Variants in KIFAP3 observed in about 807,000 individuals in gnomAD.
The protein encoded by KIFAP3 is kinesin-associated protein 3.
In KIFAP3, 68 loss-of-function variants were observed where a neutral mutation model predicts 106.5. That is an observed-to-expected ratio of 0.64 (90% confidence interval 0.53 to 0.78). KIFAP3 has a LOEUF of 0.78. Among genes scored for constraint, KIFAP3 ranks in the 30% least tolerant of loss-of-function variants. The pLI, the probability that KIFAP3 is intolerant of heterozygous loss-of-function variation, is 0.00. For synonymous variants in KIFAP3, 320 were observed against 311.5 expected (o/e 1.03, Z -0.29); for missense variants, 780 against 941.8 (o/e 0.83, Z 2.25).
Position 170,074,476 on chromosome 1 carries a change from C to A in KIFAP3, c.-9G>T, listed in dbSNP as rs1255074036. On this transcript the variant is annotated 5_prime_UTR_variant, in exon 1 of 20. Coordinates refer to ENST00000361580, the MANE Select transcript of KIFAP3 (RefSeq NM_014970.4). ...GCGTCCTCCCCTTGCATGGCGGCAG[C>A]GGCAGCGGCGTGGAGAGGATGGGGT... The A allele has an allele frequency of 2.5e-6, 4 of 1,613,912 alleles. No individual in the cohort carries two copies. Among genetic ancestry groups the A allele is most frequent in the Non-Finnish European group, 2.5e-6 (3 of 1,179,988 alleles).
Position 170,074,566 on chromosome 1 carries a change from G to C in KIFAP3, c.-99C>G, listed in dbSNP as rs1671849886. Reference sequence around the variant, plus strand: ...CCAAAGTACCCTCACACCCAGAGGCGATGACAGTCCTGAGGCCTGCAAGGC... The same window carrying C: ...CCAAAGTACCCTCACACCCAGAGGCCATGACAGTCCTGAGGCCTGCAAGGC... On this transcript the variant is annotated 5_prime_UTR_variant, in exon 1 of 20. It adds an upstream start codon to the 5' untranslated region. Coordinates refer to ENST00000361580, the MANE Select transcript of KIFAP3 (RefSeq NM_014970.4). 2 of 1,590,112 alleles carry C rather than the reference G, an allele frequency of 1.3e-6. No homozygotes were observed. Among genetic ancestry groups the C allele is most frequent in the African/African-American group, 2.7e-5 (2 of 74,490 alleles).
rs1036344066 is a variant in KIFAP3, at chr1:169,985,031, T to C, written c.1285-341A>G. ...AAAATAGCTTATGCAAAGGTCACAA[T>C]GCAGGAAAAAACAGTACTCTTTGAA... On this transcript the variant is annotated intron_variant, in intron 11 of 19. Coordinates refer to ENST00000361580, the MANE Select transcript of KIFAP3 (RefSeq NM_014970.4). Among the ~76,000 whole-genome samples, 12 of 151,808 alleles carry C rather than the reference T, an allele frequency of 7.9e-5. 1 individual carries two copies. Among genetic ancestry groups the C allele is most frequent in the Admixed American group, 6.6e-4 (10 of 15,216 alleles).
At chr1:170,068,678 C>T (rs1344975713) in intron 1 of KIFAP3, 5 of 151,610 alleles carry the variant, frequency 3.3e-5, no homozygotes, top group African/African-American at 7.3e-5. Flanking sequence ...TCAAAAACTT[C>T]CCAAATTAGA....
chr1:169,997,883 G>GA (rs60799242), intron 10 of KIFAP3, among the ~76,000 whole-genome samples: 1 of 122,962 alleles, frequency 8.1e-6, no homozygotes, highest in South Asian at 2.5e-4. Flanking sequence ...AAAAAAAAAA[G>GA]AAAAAAAAAA....
rs749589064 is a variant in KIFAP3, at chr1:169,982,490, T to C, written c.1672+212A>G. ...ACCACAAGAAAGGTAGAATAGGAAA[T>C]AGAAACTAACATAAGAAAACACACT... On this transcript the variant is annotated intron_variant, in intron 14 of 19. Coordinates refer to ENST00000361580, the MANE Select transcript of KIFAP3 (RefSeq NM_014970.4). 8.6e-4 allele frequency among the ~76,000 whole-genome samples: 130 copies of C among 151,982 alleles called. 1 individual carries two copies. The highest frequency in any genetic ancestry group is 1.8e-3 in the Non-Finnish European group (120 of 67,932).
rs532858288 is a variant in KIFAP3, at chr1:170,012,052, A to T, written c.1183+4410T>A. 4.6e-5 allele frequency among the ~76,000 whole-genome samples: 7 copies of T among 152,268 alleles called. No homozygotes were observed. The South Asian group carries it at 1.4e-3, about 32-fold the overall frequency. On this transcript the variant is annotated intron_variant, in intron 10 of 19. Transcript: ENST00000361580. ...AACTCAAGAACATTACTAGGAATAG[A>T]ACCCTTGGGGAACTCATTTGTAATT... is the stretch of plus-strand genomic sequence containing the variant.
intron 9 of KIFAP3, among the ~76,000 whole-genome samples, chr1:170,020,485 T>G (rs939260761): frequency 1.3e-5 from 2 of 152,278 alleles, no homozygotes; most frequent in East Asian, 3.9e-4. Flanking sequence ...GACGGAGTCT[T>G]GCTCTGTCGC....
chr1:169,944,733 C>T (rs1388061498), intron 19 of KIFAP3, among the ~76,000 whole-genome samples: 1 of 152,238 alleles, frequency 6.6e-6, no homozygotes, highest in African/African-American at 2.4e-5. Flanking sequence ...GTGTCCAGCT[C>T]TCAGCAGAGA....
At chr1:169,973,122 T>TATATAC (rs1337198179) in intron 16 of KIFAP3, among the ~76,000 whole-genome samples, 1 of 138,588 alleles carries the variant, frequency 7.2e-6, no homozygotes, top group Non-Finnish European at 1.5e-5. Context: ...TATATATATA[T>TATATAC]AAACAACACA....
intron 10 of KIFAP3, among the ~76,000 whole-genome samples, chr1:170,001,497 G>A (rs141605348): frequency 0.035 from 5,254 of 152,144 alleles, 122 homozygotes; most frequent in Non-Finnish European, 0.052. Flanking sequence ...TCACCCTGAC[G>A]GCGAGACATG....
At chr1:170,061,192 C>G (rs1671133042) in intron 1 of KIFAP3, among the ~76,000 whole-genome samples, 1 of 152,132 alleles carries the variant, frequency 6.6e-6, no homozygotes. Flanking sequence ...AGCTTCTGCA[C>G]AGCAAAAGAA....
chr1:170,017,040 C>A lies in KIFAP3; in HGVS notation c.1021-416G>T, dbSNP rs150631292. Among the ~76,000 whole-genome samples, 283 of 152,204 alleles carry A rather than the reference C, an allele frequency of 1.9e-3. 1 individual carries two copies. The highest frequency in any genetic ancestry group is 6.6e-3 in the African/African-American group (276 of 41,548). ...TTGGGAGGCCGAGGCGGGCAGATCA[C>A]GAGGTCAAGAGATTGAGGCCATCCT... On this transcript the variant is annotated intron_variant, in intron 9 of 19. Coordinates refer to ENST00000361580, the MANE Select transcript of KIFAP3 (RefSeq NM_014970.4).
At chr1:169,983,508 GATTA>G (rs1388775535) in intron 12 of KIFAP3, 126 bp from the exon 13 acceptor site, 3 of 652,350 alleles carry the variant, frequency 4.6e-6, no homozygotes, top group Admixed American at 6.0e-5. Flanking sequence ...GGTACAATTT[GATTA>G]ATTTAGATGC....
At chr1:170,037,663 G>A (rs1669758924) in intron 5 of KIFAP3, among the ~76,000 whole-genome samples, 2 of 152,120 alleles carry the variant, frequency 1.3e-5, no homozygotes, top group African/African-American at 2.4e-5. Flanking sequence ...TATGAACCCG[G>A]GAGGCGGAGG....
chr1:169,936,216 A>G (rs896329190), intron 19 of KIFAP3, among the ~76,000 whole-genome samples: 1 of 151,626 alleles, frequency 6.6e-6, no homozygotes, highest in Non-Finnish European at 1.5e-5. Context: ...CCCTTGGAAC[A>G]TTTTACATTT....
At chr1:170,070,651 A>G (rs1671662407) in intron 1 of KIFAP3, among the ~76,000 whole-genome samples, 1 of 152,150 alleles carries the variant, frequency 6.6e-6, no homozygotes, top group Admixed American at 6.5e-5. Flanking sequence ...GCCATATACC[A>G]TAGACAATAA....
At position 169,958,920 on chromosome 1, in the gene KIFAP3, A is replaced by AT. The variant is rs888373621; in HGVS notation, c.2173+2125dup. On this transcript the variant is annotated intron_variant, in intron 18 of 19. Coordinates refer to ENST00000361580, the MANE Select transcript of KIFAP3 (RefSeq NM_014970.4). ...GTTTTGTATTTCACATAATACTAAG[A>AT]TTTTTTTTTAAAAAACATGGGAGAA... 1.3e-4 allele frequency among the ~76,000 whole-genome samples: 20 copies of AT among 152,100 alleles called. No homozygotes were observed. In the East Asian group the frequency reaches 1.5e-3, roughly 12 times the overall value.
chr1:170,081,330 A>G (rs190026758), intron 1 of KIFAP3, among the ~76,000 whole-genome samples: 2 of 152,324 alleles, frequency 1.3e-5, no homozygotes, highest in Non-Finnish European at 2.9e-5. Flanking sequence ...AAATTTAACC[A>G]CAGTGAAATA....
chr1:170,058,535 T>C (rs138525491), intron 1 of KIFAP3, among the ~76,000 whole-genome samples: 1 of 152,276 alleles, frequency 6.6e-6, no homozygotes, highest in Non-Finnish European at 1.5e-5. Flanking sequence ...TATGGCACAA[T>C]AGGCTGCTTA....
Sources: gnomAD v4.1 joint callset for allele counts (sites outside exome capture counted in the v4.1 genomes callset) on GRCh38, gnomAD v4.1.1 for gene constraint, MANE v1.5 for transcripts, NCBI Gene and HGNC (gene_info 2026-07-23, HGNC 2026-07-21) for gene names.